The following CCSER1 variants were observed in gnomAD, a reference collection of about 807,000 sequenced individuals.
The protein encoded by CCSER1 is serine-rich coiled-coil domain-containing protein 1.
In CCSER1, 41 loss-of-function variants were observed where a neutral mutation model predicts 82.0. That is an observed-to-expected ratio of 0.50 (90% CI 0.39 to 0.65). The LOEUF is 0.65. Among genes scored for constraint, CCSER1 ranks in the 30% least tolerant of loss-of-function variants. The pLI is 0.00. For missense variants in CCSER1, 1,119 were observed against 1,064.2 expected (o/e 1.05, Z -0.72); for synonymous variants, 414 against 383.9 (o/e 1.08, Z -0.92).
chr4:90,460,229 G>A (rs1414969931), intron 4 of CCSER1, among the ~76,000 whole-genome samples: 3 of 143,602 alleles, frequency 2.1e-5, no homozygotes, highest in African/African-American at 8.6e-5. Context: ...GGAGGCTGAG[G>A]CAGGAGAATG....
At chr4:90,474,674 G>C (rs1764823592) in intron 5 of CCSER1, among the ~76,000 whole-genome samples, 1 of 152,174 alleles carries the variant, frequency 6.6e-6, no homozygotes, top group Non-Finnish European at 1.5e-5. Context: ...ATATTTATCA[G>C]CACATTAGTA....
chr4:91,220,996 T>A (rs1737699198), intron 10 of CCSER1, among the ~76,000 whole-genome samples: 1 of 152,164 alleles, frequency 6.6e-6, no homozygotes, highest in South Asian at 2.1e-4. Flanking sequence ...AATACAGATA[T>A]ATTAATTTAG....
At chr4:91,435,089 T>G (rs1464782426) in intron 10 of CCSER1, among the ~76,000 whole-genome samples, 2 of 152,160 alleles carry the variant, frequency 1.3e-5, no homozygotes, top group African/African-American at 4.8e-5. Flanking sequence ...AGCTGCACAT[T>G]TTCTTGTTAG....
chr4:90,555,867 C>G, intron 5 of CCSER1, among the ~76,000 whole-genome samples: 1 of 151,836 alleles, frequency 6.6e-6, no homozygotes, highest in East Asian at 1.9e-4. Context: ...TAATAAAGAC[C>G]ACCAGTAACA....
intron 5 of CCSER1, among the ~76,000 whole-genome samples, chr4:90,610,448 T>G (rs1054830706): frequency 1.3e-5 from 2 of 152,126 alleles, no homozygotes; most frequent in African/African-American, 4.8e-5. Context: ...TATCAGCTAC[T>G]ACTTCATGGT....
intron 5 of CCSER1, among the ~76,000 whole-genome samples, chr4:90,479,866 A>G (rs1765669086): frequency 6.6e-6 from 1 of 152,238 alleles, no homozygotes; most frequent in South Asian, 2.1e-4. Flanking sequence ...TAGCAGCATG[A>G]TTTATAATCC....
intron 10 of CCSER1, among the ~76,000 whole-genome samples, chr4:91,250,498 C>A (rs1740168946): frequency 6.6e-6 from 1 of 151,822 alleles, no homozygotes; most frequent in Non-Finnish European, 1.5e-5. Context: ...AATGACTAGG[C>A]AAATAGGTAT....
At chr4:90,513,535 A>G (rs1391608678) in intron 5 of CCSER1, among the ~76,000 whole-genome samples, 2 of 152,184 alleles carry the variant, frequency 1.3e-5, no homozygotes, top group African/African-American at 4.8e-5. Context: ...TCTCGATTAG[A>G]ATGCAGAATA....
At chr4:91,138,974 G>C (rs560281721) in intron 10 of CCSER1, among the ~76,000 whole-genome samples, 243 of 152,300 alleles carry the variant, frequency 1.6e-3, no homozygotes, top group Non-Finnish European at 2.8e-3. Flanking sequence ...TGAATGATCT[G>C]TCACCCAGGT....
At position 91,321,352 on chromosome 4, in the gene CCSER1, G is replaced by A. The variant is rs567465318; in HGVS notation, c.2217+235358G>A. ...TCACTTAAGAATTTATAGCTTGAGC[G>A]GCCAAAATTTATTCCATGGCCTGCA... On this transcript the variant is annotated intron_variant, in intron 10 of 10. Coordinates refer to ENST00000509176, the MANE Select transcript of CCSER1 (RefSeq NM_001145065.2). 1.2e-4 allele frequency among the ~76,000 whole-genome samples: 18 copies of A among 152,076 alleles called. No individual in the cohort carries two copies. The South Asian group carries it at 2.9e-3, about 25-fold the overall frequency.
intron 10 of CCSER1, among the ~76,000 whole-genome samples, chr4:91,496,818 TATATATTGA>T (rs1329396103): frequency 2.1e-5 from 2 of 96,260 alleles, no homozygotes; most frequent in Non-Finnish European, 4.3e-5. Context: ...ATATATTCAA[TATATATTGA>T]ATATATATTG....
At chr4:91,327,331 G>A (rs546259209) in intron 10 of CCSER1, among the ~76,000 whole-genome samples, 2 of 152,318 alleles carry the variant, frequency 1.3e-5, no homozygotes, top group East Asian at 1.9e-4. Context: ...ATACCACGGG[G>A]AAGCCACCAA....
intron 10 of CCSER1, among the ~76,000 whole-genome samples, chr4:91,334,211 A>C (rs183598360): frequency 2.6e-5 from 4 of 152,170 alleles, no homozygotes; most frequent in Admixed American, 2.6e-4. Context: ...TTATACAGCC[A>C]ATCTGTTTTA....
intron 7 of CCSER1, among the ~76,000 whole-genome samples, chr4:90,796,367 T>A (rs1226993954): frequency 2.6e-5 from 4 of 151,640 alleles, no homozygotes; most frequent in Admixed American, 6.6e-5. Flanking sequence ...ATTTGGATAT[T>A]ATCTCTTTTC....
intron 9 of CCSER1, among the ~76,000 whole-genome samples, chr4:91,008,426 T>G (rs1190292951): frequency 6.6e-6 from 1 of 152,214 alleles, no homozygotes; most frequent in Non-Finnish European, 1.5e-5. Flanking sequence ...GTCTTCTTGA[T>G]TAATTATTCC....
At chr4:90,820,508 C>A (rs1261762829) in intron 8 of CCSER1, among the ~76,000 whole-genome samples, 1 of 152,054 alleles carries the variant, frequency 6.6e-6, no homozygotes, top group Admixed American at 6.6e-5. Context: ...TCTGCTCCTG[C>A]AAGCCCGTTT....
chr4:90,762,156 A>C (rs948553916), intron 7 of CCSER1, among the ~76,000 whole-genome samples: 4 of 152,104 alleles, frequency 2.6e-5, no homozygotes, highest in African/African-American at 9.7e-5. Flanking sequence ...ACAGGAGGTA[A>C]TTGAATCATA....
At chr4:90,213,798 A>G (rs1011730971) in intron 1 of CCSER1, among the ~76,000 whole-genome samples, 30 of 152,184 alleles carry the variant, frequency 2.0e-4, no homozygotes, top group Admixed American at 1.5e-3. Flanking sequence ...AGCAATATGA[A>G]GATCATTCAT....
chr4:90,563,258 C>T (rs1778993175), intron 5 of CCSER1, among the ~76,000 whole-genome samples: 1 of 151,862 alleles, frequency 6.6e-6, no homozygotes, highest in Non-Finnish European at 1.5e-5. Flanking sequence ...ATTACAGGTG[C>T]CCGCCACCAT....
Sources: allele counts gnomAD v4.1 joint callset (sites outside exome capture counted in the v4.1 genomes callset), GRCh38; gene constraint gnomAD v4.1.1; transcripts MANE v1.5; gene names NCBI Gene and HGNC (gene_info 2026-07-23, HGNC 2026-07-21).